The following LAMA3 variants were observed in gnomAD, a reference collection of about 807,000 sequenced individuals.
LAMA3 encodes the protein laminin subunit alpha-3.
In LAMA3, 281 loss-of-function variants were observed where a neutral mutation model predicts 402.0. The ratio of observed to expected loss-of-function variants is 0.70; its 90% confidence interval spans 0.63 to 0.77. The LOEUF (loss-of-function observed/expected upper bound fraction) is 0.77. Ranked by LOEUF, LAMA3 falls within the 30% of genes least tolerant of loss-of-function variation. LAMA3 has a pLI of 0.00. For synonymous variants in LAMA3, 1,431 were observed against 1,558.4 expected (o/e 0.92, Z 1.93); for missense variants, 3,840 against 4,215.5 (o/e 0.91, Z 2.47).
Position 23,907,796 on chromosome 18 carries a change from C to A in LAMA3, c.6876C>A (p.Val2292=), listed in dbSNP as rs2145182964. ...DAMISSAKSM[V]RKANDITDEV... The stretch of plus-strand genomic sequence containing the variant: ...TGATCAGTAGTGCAAAGAGCATGGT[C>A]AGAAAGGCCAACGACATCACAGATG... The change falls in exon 54 of 75, where the codon GTC becomes GTA. Residue 2292 remains valine (V), a synonymous_variant. Transcript: ENST00000313654. The A allele has an allele frequency of 6.2e-7, 1 of 1,614,106 alleles. No homozygotes were observed. The highest frequency in any genetic ancestry group is 1.1e-5 in the South Asian group (1 of 91,020).
At chr18:23,889,943 T>G in intron 41 of LAMA3, 68 bp from the exon 42 acceptor site, 247 of 1,161,766 alleles carry the variant, frequency 2.1e-4, no homozygotes, top group Non-Finnish European at 2.9e-4. Flanking sequence ...AGCTAGAGAT[T>G]GAGAAAATTG....
chr18:23,936,234 T>A (rs969981529), intron 67 of LAMA3, among the ~76,000 whole-genome samples: 15 of 151,028 alleles, frequency 9.9e-5, no homozygotes, highest in African/African-American at 1.5e-4. Flanking sequence ...TTTTTCTTTT[T>A]ATATATATAT....
Position 23,933,952 on chromosome 18 carries a change from A to G in LAMA3, c.8862+17A>G, listed in dbSNP as rs749513243. 6.2e-7 allele frequency: 1 copy of G among 1,613,238 alleles called. No individual in the cohort carries two copies. Among genetic ancestry groups the G allele is most frequent in the African/African-American group, 1.3e-5 (1 of 74,930 alleles). On this transcript the variant is annotated intron_variant, in intron 67 of 74. Coordinates refer to ENST00000313654, the MANE Select transcript of LAMA3 (RefSeq NM_198129.4). ...ATCAACCAGGTAAGTGTCCAAACCTAACCCTGGGTTTCCCTCTTCCCTGGA... is the reference window on the plus strand; with the variant it reads ...ATCAACCAGGTAAGTGTCCAAACCTGACCCTGGGTTTCCCTCTTCCCTGGA...
chr18:23,826,169 G>A (rs922540132), intron 21 of LAMA3, among the ~76,000 whole-genome samples: 6 of 152,160 alleles, frequency 3.9e-5, no homozygotes, highest in African/African-American at 9.7e-5. Flanking sequence ...CTGAATTTAC[G>A]TTGTGGGCTT....
chr18:23,727,674 T>A (rs2061323279), intron 2 of LAMA3, among the ~76,000 whole-genome samples: 2 of 152,086 alleles, frequency 1.3e-5, no homozygotes, highest in African/African-American at 4.8e-5. Flanking sequence ...CCAGCACTGG[T>A]CCATGGACCA....
intron 68 of LAMA3, among the ~76,000 whole-genome samples, chr18:23,939,924 C>T (rs1348556159): frequency 6.6e-6 from 1 of 152,156 alleles, no homozygotes; most frequent in Admixed American, 6.5e-5. Context: ...TTGAAGGAGC[C>T]ATAGATAAAA....
intron 8 of LAMA3, among the ~76,000 whole-genome samples, chr18:23,765,944 A>G (rs528488438): frequency 1.7e-4 from 26 of 152,288 alleles, no homozygotes; most frequent in African/African-American, 6.3e-4. Flanking sequence ...TATATTTCAA[A>G]TGAACAGAGA....
At chr18:23,823,719 A>C (rs774377469) in intron 20 of LAMA3, among the ~76,000 whole-genome samples, 2 of 152,232 alleles carry the variant, frequency 1.3e-5, no homozygotes, top group African/African-American at 4.8e-5. Flanking sequence ...TGGAGAAGAT[A>C]ATTCTTTGAA....
intron 1 of LAMA3, among the ~76,000 whole-genome samples, chr18:23,712,495 A>AGG (rs1370099701): frequency 1.3e-5 from 2 of 151,146 alleles, no homozygotes; most frequent in African/African-American, 2.4e-5. Flanking sequence ...TTGAGTTTCT[A>AGG]GGGGGTGCAA....
intron 14 of LAMA3, among the ~76,000 whole-genome samples, chr18:23,813,553 CT>C (rs1164123647): frequency 0.12 from 14,356 of 115,006 alleles, 583 homozygotes; most frequent in East Asian, 0.41. Flanking sequence ...TCTTTTCTTT[CT>C]TTTTTTTTTT....
intron 3 of LAMA3, 72 bp from the exon 4 acceptor site, chr18:23,749,356 T>A (rs1395097957): frequency 2.4e-6 from 2 of 821,244 alleles, no homozygotes; most frequent in Non-Finnish European, 4.0e-6. Context: ...TAAGGAAACA[T>A]AAGGCTTCTT....
At chr18:23,859,279 T>C (rs2064158649) in intron 34 of LAMA3, among the ~76,000 whole-genome samples, 1 of 152,144 alleles carries the variant, frequency 6.6e-6, no homozygotes, top group African/African-American at 2.4e-5. Context: ...ACCAAATGTG[T>C]GGGGTTTTTT....
chr18:23,749,406 T>C, intron 3 of LAMA3, 22 bp from the exon 4 acceptor site: 1 of 1,172,876 alleles, frequency 8.5e-7, no homozygotes, highest in Non-Finnish European at 1.3e-6. Flanking sequence ...TGTTTTATAA[T>C]ATTAAAATAT....
chr18:23,806,447 G>C (rs1332210170), intron 12 of LAMA3, among the ~76,000 whole-genome samples: 1 of 152,146 alleles, frequency 6.6e-6, no homozygotes, highest in East Asian at 1.9e-4. Context: ...ATGGGGGTGG[G>C]TCCTGAAGAG....
intron 32 of LAMA3, among the ~76,000 whole-genome samples, chr18:23,857,293 C>T (rs952726532): frequency 5.3e-5 from 8 of 152,238 alleles, no homozygotes; most frequent in African/African-American, 1.9e-4. Flanking sequence ...CCTACCTCCT[C>T]AGGCCATGGG....
At chr18:23,873,345 T>C in intron 38 of LAMA3, 1 of 850,768 alleles carries the variant, frequency 1.2e-6, no homozygotes, top group Non-Finnish European at 2.0e-6. Flanking sequence ...CCCAGTCACC[T>C]TGACTGGCAG....
At chr18:23,891,485 A>C (rs1355214751) in intron 42 of LAMA3, among the ~76,000 whole-genome samples, 2 of 152,194 alleles carry the variant, frequency 1.3e-5, no homozygotes, top group African/African-American at 4.8e-5. Flanking sequence ...CCTTCAATTT[A>C]AAATAATCAG....
chr18:23,877,606 A>T (rs2064764403), intron 39 of LAMA3, among the ~76,000 whole-genome samples: 1 of 152,192 alleles, frequency 6.6e-6, no homozygotes, highest in Non-Finnish European at 1.5e-5. Context: ...TGGCCCAGGG[A>T]ACTGCTTCCT....
At position 23,926,842 on chromosome 18, in the gene LAMA3, A is replaced by G. The variant is rs140129190; in HGVS notation, c.8178-1281A>G. Among the ~76,000 whole-genome samples the G allele has an allele frequency of 1.8e-3, 270 of 152,370 alleles. 1 individual carries two copies. The highest frequency in any genetic ancestry group is 6.2e-3 in the African/African-American group (259 of 41,588). ...CTTTAGAAATTGCTCTCATTATATA[A>G]GAGCAGTAATATGGGAGTAGTTACT... On this transcript the variant is annotated intron_variant, in intron 62 of 74. Transcript: ENST00000313654.
Sources: allele counts gnomAD v4.1 joint callset (sites outside exome capture counted in the v4.1 genomes callset), GRCh38; gene constraint gnomAD v4.1.1; transcripts MANE v1.5; gene names NCBI Gene and HGNC (gene_info 2026-07-23, HGNC 2026-07-21).